NOTCH2: variants seen among roughly 807,000 people sequenced by gnomAD.
NOTCH2 encodes notch receptor 2.
NOTCH2 carries 29 observed loss-of-function variants against 235.8 expected under a neutral mutation model. The observed-to-expected ratio is 0.12, with a 90% CI of 0.09 to 0.17. The LOEUF (loss-of-function observed/expected upper bound fraction) is 0.17. Among genes scored for constraint, NOTCH2 ranks in the 10% least tolerant of loss-of-function variants. The pLI, the probability that NOTCH2 is intolerant of heterozygous loss-of-function variation, is 1.00. For synonymous variants in NOTCH2, 1,086 were observed against 1,141.5 expected (o/e 0.95, Z 0.98); for missense variants, 2,285 against 3,150.2 (o/e 0.73, Z 6.57).
At chr1:119,977,601 T>A (rs1456500390) in intron 5 of NOTCH2, among the ~76,000 whole-genome samples, 11 of 152,218 alleles carry the variant, frequency 7.2e-5, no homozygotes, top group African/African-American at 2.4e-4. Context: ...CCAACGTCAC[T>A]ACTAACCTCA....
intron 1 of NOTCH2, among the ~76,000 whole-genome samples, chr1:120,037,770 T>G (rs587741119): frequency 6.6e-6 from 1 of 151,800 alleles, no homozygotes; most frequent in East Asian, 1.9e-4. Flanking sequence ...TATTATCATA[T>G]AGAAAGTGTG....
chr1:120,004,119 G>A (rs1347425428), intron 3 of NOTCH2, among the ~76,000 whole-genome samples: 1 of 151,922 alleles, frequency 6.6e-6, no homozygotes, highest in Admixed American at 6.6e-5. Context: ...GAATGAGATG[G>A]GGAGAGAATA....
At position 119,959,384 on chromosome 1, in the gene NOTCH2, A is replaced by C; in HGVS notation, c.2026+8T>G. 4.0e-6 allele frequency: 6 copies of C among 1,494,390 alleles called. No individual in the cohort carries two copies. Among genetic ancestry groups the C allele is most frequent in the Non-Finnish European group, 5.6e-6 (6 of 1,070,714 alleles). The allele number at this position is 1,494,390 out of a possible 1,614,324, so 92.6% of individuals were successfully genotyped here. ...GAAGGAGGGGCCTTGCAGTAAAAGGAGCTTTACCTGTGAATCCTGGTGAGC... is the reference window on the plus strand; with the variant it reads ...GAAGGAGGGGCCTTGCAGTAAAAGGCGCTTTACCTGTGAATCCTGGTGAGC... On this transcript the variant is annotated splice_region_variant and intron_variant, in intron 12 of 33. Transcript: ENST00000256646.
intron 5 of NOTCH2, among the ~76,000 whole-genome samples, chr1:119,984,892 GC>G (rs1293266925): frequency 6.6e-6 from 1 of 152,182 alleles, no homozygotes; most frequent in African/African-American, 2.4e-5. Flanking sequence ...GATCAGGGAA[GC>G]CTTCCTGAAG....
intron 4 of NOTCH2, chr1:119,995,794 AG>A (rs1553204002): frequency 6.6e-6 from 1 of 152,248 alleles, no homozygotes; most frequent in Non-Finnish European, 1.5e-5. Context: ...CCAAATACAT[AG>A]CATGGTGCCT....
intron 14 of NOTCH2, among the ~76,000 whole-genome samples, chr1:119,952,067 G>C (rs782101513): frequency 1.9e-4 from 29 of 152,152 alleles, no homozygotes; most frequent in Admixed American, 3.9e-4. Context: ...CACAATATTT[G>C]AGTGAGGAAA....
At chr1:120,065,309 T>A (rs1419527027) in intron 1 of NOTCH2, among the ~76,000 whole-genome samples, 3 of 152,230 alleles carry the variant, frequency 2.0e-5, no homozygotes, top group African/African-American at 7.2e-5. Context: ...ACTGAACAAG[T>A]ATTTATTGTG....
At chr1:119,939,154 T>C (rs1331211426) in intron 19 of NOTCH2, among the ~76,000 whole-genome samples, 1 of 152,144 alleles carries the variant, frequency 6.6e-6, no homozygotes, top group South Asian at 2.1e-4. Flanking sequence ...GGGGAGAACA[T>C]GCAAACCCCA....
intron 5 of NOTCH2, among the ~76,000 whole-genome samples, chr1:119,981,888 A>G (rs782591198): frequency 2.0e-5 from 3 of 152,054 alleles, no homozygotes; most frequent in Non-Finnish European, 2.9e-5. Context: ...TTGAAATACC[A>G]TATATAATTA....
chr1:120,000,219 C>T (rs1652694181), intron 3 of NOTCH2, among the ~76,000 whole-genome samples: 2 of 151,652 alleles, frequency 1.3e-5, no homozygotes, highest in African/African-American at 4.9e-5. Context: ...AAGTGATAGA[C>T]AAAAATAGCA....
At chr1:120,049,245 C>T (rs587771980) in intron 1 of NOTCH2, among the ~76,000 whole-genome samples, 528 of 110,906 alleles carry the variant, frequency 4.8e-3, no homozygotes, top group Middle Eastern at 0.019. Flanking sequence ...ATCCCAGCAA[C>T]GCCTGCACAG....
intron 1 of NOTCH2, among the ~76,000 whole-genome samples, chr1:120,039,020 G>T (rs1227650430): frequency 6.7e-6 from 1 of 150,324 alleles, no homozygotes; most frequent in Non-Finnish European, 1.5e-5. Context: ...CCAACTGAAT[G>T]GGAAAATTCA....
intron 1 of NOTCH2, 197 bp downstream of exon 1, chr1:120,069,137 G>A (rs2101450361): frequency 2.6e-6 from 4 of 1,526,652 alleles, no homozygotes; most frequent in East Asian, 4.9e-5. Flanking sequence ...AGGCGGCGGG[G>A]AACCCCGGCG....
At chr1:120,029,486 G>A (rs1553210639) in intron 2 of NOTCH2, among the ~76,000 whole-genome samples, 6 of 150,880 alleles carry the variant, frequency 4.0e-5, no homozygotes, top group Non-Finnish European at 7.4e-5. Flanking sequence ...GAGTAGCTGG[G>A]ACTCCAGTCA....
rs1553194808 is a variant in NOTCH2 at position 119,929,076 on chromosome 1, G to A, written c.3792C>T (p.Asp1264=). 6.2e-7 allele frequency: 1 copy of A among 1,614,162 alleles called. No individual in the cohort carries two copies. ...AGGGGTTGGAGAGGCACTCGTTGAT[G>A]TCTCCCTCACAACGCTCCCCAGCAA... ...PGFAGERCEG[D]INECLSNPCS... Residue 1264 remains aspartate (D), a synonymous_variant, in exon 23 of 34, where the codon GAC becomes GAT. Coordinates refer to ENST00000256646, the MANE Select transcript of NOTCH2 (RefSeq NM_024408.4).
intron 2 of NOTCH2, among the ~76,000 whole-genome samples, chr1:120,010,919 A>AG (rs1653164977): frequency 6.6e-6 from 1 of 152,204 alleles, no homozygotes; most frequent in Admixed American, 6.5e-5. Context: ...GTATATCCAT[A>AG]AATGAAATAT....
intron 25 of NOTCH2, among the ~76,000 whole-genome samples, chr1:119,924,413 T>C (rs753985753): frequency 6.6e-6 from 1 of 152,034 alleles, no homozygotes; most frequent in African/African-American, 2.4e-5. Flanking sequence ...CCATTGAGAG[T>C]TGCCATACAG....
chr1:119,927,416 G>A (rs963482106), intron 23 of NOTCH2, among the ~76,000 whole-genome samples: 1 of 152,062 alleles, frequency 6.6e-6, no homozygotes, highest in Non-Finnish European at 1.5e-5. Context: ...AGCAGCAGCC[G>A]CTAACCAAGA....
chr1:119,969,470 T>C, intron 6 of NOTCH2, 41 bp downstream of exon 6: 1 of 1,559,822 alleles, frequency 6.4e-7, no homozygotes, highest in Non-Finnish European at 8.8e-7. Context: ...GAATGCCCCC[T>C]GCCCCTTCCC....
Sources: gnomAD v4.1 joint callset for allele counts (sites outside exome capture counted in the v4.1 genomes callset) on GRCh38, gnomAD v4.1.1 for gene constraint, MANE v1.5 for transcripts, NCBI Gene and HGNC (gene_info 2026-07-23, HGNC 2026-07-21) for gene names.